The following TNFAIP1 variants were observed in gnomAD, a reference collection of about 807,000 sequenced individuals.
TNFAIP1 encodes BTB/POZ domain-containing adapter for CUL3-mediated RhoA degradation protein 2.
A neutral mutation model predicts 32.6 loss-of-function variants in TNFAIP1; 20 were observed. That is an observed-to-expected ratio of 0.61 (90% CI 0.43 to 0.89). TNFAIP1 has a LOEUF of 0.89. Ranked by LOEUF, TNFAIP1 falls within the 40% of genes least tolerant of loss-of-function variation. The pLI, the probability that TNFAIP1 is intolerant of heterozygous loss-of-function variation, is 0.00. For missense variants in TNFAIP1, 319 were observed against 425.1 expected (o/e 0.75, Z 2.20); for synonymous variants, 166 against 166.8 (o/e 1.00, Z 0.04).
chr17:28,338,804 C>G (rs1232896214), intron 1 of TNFAIP1, among the ~76,000 whole-genome samples: 1 of 151,660 alleles, frequency 6.6e-6, no homozygotes, highest in Non-Finnish European at 1.5e-5. Context: ...TCCTCTGGCC[C>G]TCTCTAACTG....
At chr17:28,339,297 G>T (rs1907276292) in intron 1 of TNFAIP1, 111 bp from the exon 2 acceptor site, 4 of 405,976 alleles carry the variant, frequency 9.9e-6, no homozygotes, top group Non-Finnish European at 1.7e-5. Context: ...CTGCCAGGGA[G>T]CAGTGCTTGG....
chr17:28,338,957 G>A (rs373094735), intron 1 of TNFAIP1, among the ~76,000 whole-genome samples: 3 of 151,740 alleles, frequency 2.0e-5, no homozygotes, highest in African/African-American at 2.4e-5. Context: ...GAGGCCAGAC[G>A]CGGTGATTCA....
At chr17:28,338,909 C>A (rs1186871090) in intron 1 of TNFAIP1, among the ~76,000 whole-genome samples, 6 of 151,980 alleles carry the variant, frequency 3.9e-5, no homozygotes, top group South Asian at 4.2e-4. Flanking sequence ...TGGGAGACTG[C>A]CTCCAGCCCT....
In TNFAIP1 at chr17:28,342,795, T is replaced by G. The variant is rs2142385999; in HGVS notation, c.714+353T>G. Among the ~76,000 whole-genome samples, 1 of 152,320 alleles carries G rather than the reference T, an allele frequency of 6.6e-6. No individual in the cohort carries two copies. Among genetic ancestry groups the G allele is most frequent in the South Asian group, 2.1e-4 (1 of 4,822 alleles). ...CCACTTAAGCCATCTGGGCCTCAGGTTCCTCATTTGCAGACATGGGGATGA... is the reference window on the plus strand; with the variant it reads ...CCACTTAAGCCATCTGGGCCTCAGGGTCCTCATTTGCAGACATGGGGATGA... On this transcript the variant is annotated intron_variant, in intron 6 of 6. Transcript: ENST00000226225. The surrounding 1 kb of genome is among the most constrained non-coding windows in gnomAD (Gnocchi z 4.0).
intron 1 of TNFAIP1, among the ~76,000 whole-genome samples, chr17:28,336,934 G>C (rs1555577516): frequency 6.6e-6 from 1 of 152,218 alleles, no homozygotes; most frequent in East Asian, 1.9e-4. Context: ...ATGGCATTGT[G>C]CTGAGCACCA....
chr17:28,339,200 TG>T, intron 1 of TNFAIP1, among the ~76,000 whole-genome samples: 1 of 145,012 alleles, frequency 6.9e-6, no homozygotes, highest in Non-Finnish European at 1.5e-5. Context: ...ATGGCACCAC[TG>T]CACTCCAGCC....
rs1316145348 is a variant in TNFAIP1 at position 28,339,241 on chromosome 17, GAAAAAAA to G, written c.-114-155_-114-149del. On this transcript the variant is annotated intron_variant, in intron 1 of 6. Coordinates refer to ENST00000226225, the MANE Select transcript of TNFAIP1 (RefSeq NM_021137.5). ...TGACAGAGTGAGACCCTGTCTCTAA[GAAAAAAA>G]AAAAAAAAAAAGAAAGCAAAATGGC... Among the ~76,000 whole-genome samples, 129 of 82,410 alleles carry G rather than the reference GAAAAAAA, an allele frequency of 1.6e-3. 2 individuals carry two copies. Among genetic ancestry groups the G allele is most frequent in the African/African-American group, 5.4e-3 (120 of 22,280 alleles). The allele number at this position is 82,410 out of a possible 152,430, so 54.1% of individuals were successfully genotyped here.
Position 28,345,387 on chromosome 17 carries a change from G to C in TNFAIP1, c.*787G>C, listed in dbSNP as rs1228347029. 1.3e-5 allele frequency: 2 copies of C among 152,324 alleles called. No individual in the cohort carries two copies. Among genetic ancestry groups the C allele is most frequent in the East Asian group, 1.9e-4 (1 of 5,194 alleles). The allele number at this position is 152,324 out of a possible 1,614,324, so 9.4% of individuals were successfully genotyped here. A position where few individuals can be genotyped will look rare whatever the true frequency, so the allele number is the denominator to read the frequency against. Reference sequence around the variant, plus strand: ...CGAGGAGGGAAGGATGGCTAAGCTGGGACCGGCAGTCCTCACAGGGTGCCT... The same window carrying C: ...CGAGGAGGGAAGGATGGCTAAGCTGCGACCGGCAGTCCTCACAGGGTGCCT... On this transcript the variant is annotated 3_prime_UTR_variant, in exon 7 of 7. Transcript: ENST00000226225.
Position 28,342,581 on chromosome 17 carries a change from A to G in TNFAIP1, c.714+139A>G. ...CCAAACACGGTAATGGTGCTGGGCA[A>G]GGACAAGGCCAGAACAAGGGGTGTG... is the stretch of plus-strand genomic sequence containing the variant. On this transcript the variant is annotated intron_variant, in intron 6 of 6. Transcript: ENST00000226225. This position sits in a 1 kb window ranked among gnomAD's most constrained non-coding sequence, Gnocchi z 4.0. 1.2e-6 allele frequency: 1 copy of G among 830,564 alleles called. No homozygotes were observed. Among genetic ancestry groups the G allele is most frequent in the Non-Finnish European group, 1.8e-6 (1 of 564,356 alleles). The allele number at this position is 830,564 out of a possible 1,614,324, so 51.4% of individuals were successfully genotyped here. A position where few individuals can be genotyped will look rare whatever the true frequency, so the allele number is the denominator to read the frequency against.
rs1024912331 is a variant in TNFAIP1, at chr17:28,342,685, G to C, written c.714+243G>C. On this transcript the variant is annotated intron_variant, in intron 6 of 6. Transcript: ENST00000226225. The surrounding 1 kb of genome is among the most constrained non-coding windows in gnomAD (Gnocchi z 4.0). Reference sequence around the variant, plus strand: ...CCACCAGGAAGTAGCCTAGTACAGTGGGAAGGACTGGGTCTTTGAAGTTGG... The same window carrying C: ...CCACCAGGAAGTAGCCTAGTACAGTCGGAAGGACTGGGTCTTTGAAGTTGG... 6.6e-6 allele frequency among the ~76,000 whole-genome samples: 1 copy of C among 152,228 alleles called. No homozygotes were observed. Among genetic ancestry groups the C allele is most frequent in the Admixed American group, 6.5e-5 (1 of 15,280 alleles).
intron 1 of TNFAIP1, among the ~76,000 whole-genome samples, chr17:28,336,295 C>T (rs1459187039): frequency 6.6e-6 from 1 of 152,144 alleles, no homozygotes; most frequent in Non-Finnish European, 1.5e-5. Context: ...CCCTTAGCCC[C>T]GGGCATCCCC....
chr17:28,338,204 CA>C (rs1286983305), intron 1 of TNFAIP1, among the ~76,000 whole-genome samples: 2 of 152,146 alleles, frequency 1.3e-5, no homozygotes, highest in African/African-American at 4.8e-5. Flanking sequence ...CTCCTGGGCT[CA>C]AGAGATCCTC....
At chr17:28,336,970 G>A (rs1469393583) in intron 1 of TNFAIP1, among the ~76,000 whole-genome samples, 1 of 152,190 alleles carries the variant, frequency 6.6e-6, no homozygotes, top group Non-Finnish European at 1.5e-5. Flanking sequence ...GGTAAACTTG[G>A]GAAACCAGTG....
rs1555578885 is a variant in TNFAIP1 at position 28,345,921 on chromosome 17, A to C, written c.*1321A>C. ...TTTTGTTTGGCTTGGCCAAACCAGA[A>C]TTCAGCTTATCTGAATTATTTTCCA... On this transcript the variant is annotated 3_prime_UTR_variant, in exon 7 of 7. Coordinates refer to ENST00000226225, the MANE Select transcript of TNFAIP1 (RefSeq NM_021137.5). 3 of 152,220 alleles carry C rather than the reference A, an allele frequency of 2.0e-5. No homozygotes were observed. 9.4% of individuals were successfully genotyped at this position (152,220 alleles called of 1,614,324 possible).
rs781952368 is a variant in TNFAIP1 at position 28,342,216 on chromosome 17, C to T, written c.519-31C>T. ...CCCTCCCTTGGACTGGAACCTCACTCCCAGCCGCTTGGCCCTCATGTTTTT... is the reference window on the plus strand; with the variant it reads ...CCCTCCCTTGGACTGGAACCTCACTTCCAGCCGCTTGGCCCTCATGTTTTT... On this transcript the variant is annotated intron_variant, in intron 5 of 6. Transcript: ENST00000226225. This position sits in a 1 kb window ranked among gnomAD's most constrained non-coding sequence, Gnocchi z 4.0. The T allele has an allele frequency of 1.1e-5, 16 of 1,394,634 alleles. No individual in the cohort carries two copies. Among genetic ancestry groups the T allele is most frequent in the Admixed American group, 4.7e-5 (2 of 42,310 alleles). 86.4% of individuals were successfully genotyped at this position (1,394,634 alleles called of 1,614,324 possible).
rs1880674085 is a variant in TNFAIP1, at chr17:28,345,169, G to C, written c.*569G>C. The C allele has an allele frequency of 6.3e-6, 1 of 157,742 alleles. No individual in the cohort carries two copies. The highest frequency in any genetic ancestry group is 1.9e-4 in the South Asian group (1 of 5,368). 9.8% of individuals were successfully genotyped at this position (157,742 alleles called of 1,614,324 possible). A position where few individuals can be genotyped will look rare whatever the true frequency, so the allele number is the denominator to read the frequency against. On this transcript the variant is annotated 3_prime_UTR_variant, in exon 7 of 7. Transcript: ENST00000226225. The stretch of plus-strand genomic sequence containing the variant: ...CCCTTGGCCCTTCTCCATGCCTGTG[G>C]GATCTGTTTCTTTAAAGCACTTTGT...
rs572196705 is a variant in TNFAIP1 at position 28,342,498 on chromosome 17, G to T, written c.714+56G>T. The T allele has an allele frequency of 6.7e-7, 1 of 1,501,490 alleles. No homozygotes were observed. Among genetic ancestry groups the T allele is most frequent in the African/African-American group, 1.4e-5 (1 of 72,974 alleles). The allele number at this position is 1,501,490 out of a possible 1,614,324, so 93.0% of individuals were successfully genotyped here. On this transcript the variant is annotated intron_variant, in intron 6 of 6. Transcript: ENST00000226225. The surrounding 1 kb of genome is among the most constrained non-coding windows in gnomAD (Gnocchi z 4.0). ...GAGGACACACACCCACTGTGCGGGG[G>T]ACGTGGTCGGGCTGTGACCAGCACG...
chr17:28,343,635 G>A (rs1390615159), intron 6 of TNFAIP1, among the ~76,000 whole-genome samples: 3 of 152,006 alleles, frequency 2.0e-5, no homozygotes, highest in Non-Finnish European at 2.9e-5. Flanking sequence ...CGACGGAAGT[G>A]GCAGCGCACC....
intron 5 of TNFAIP1, 129 bp downstream of exon 5, chr17:28,341,585 C>A: frequency 1.9e-6 from 2 of 1,027,692 alleles, no homozygotes; most frequent in South Asian, 1.5e-5. Flanking sequence ...TGGGGAAAAA[C>A]AGAAAGTAGA....
Sources: allele counts gnomAD v4.1 joint callset (sites outside exome capture counted in the v4.1 genomes callset), GRCh38; gene constraint gnomAD v4.1.1; non-coding constraint Gnocchi (gnomAD v3.1); transcripts MANE v1.5; gene names NCBI Gene and HGNC (gene_info 2026-07-23, HGNC 2026-07-21).